AUH: variants seen among roughly 807,000 people sequenced by gnomAD.
AUH encodes AU RNA binding methylglutaconyl-CoA hydratase.
In AUH, 29 loss-of-function variants were observed where a neutral mutation model predicts 42.3. That is an observed-to-expected ratio of 0.69 (90% CI 0.51 to 0.93). The LOEUF (loss-of-function observed/expected upper bound fraction) is 0.93, where lower values mean the gene tolerates loss of function less well. Among genes scored for constraint, AUH ranks in the 40% least tolerant of loss-of-function variants. The pLI is 0.00. For missense variants in AUH, 452 were observed against 438.1 expected (o/e 1.03, Z -0.28); for synonymous variants, 174 against 166.4 (o/e 1.05, Z -0.35).
chr9:91,361,738 G>T lies in AUH; in HGVS notation c.152C>A (p.Ala51Asp). Residue 51 changes from alanine to aspartate, a missense_variant, in exon 1 of 10, where the codon GCC (alanine) becomes GAC (aspartate). Ala to Asp is a moderately radical substitution (Grantham distance 126, BLOSUM62 -2). Transcript: ENST00000375731. Reference sequence around the variant, plus strand: ...CCCGGCCGCAGGTACCCAGCCCTGGGCCCAGATCGCCGGGCCCGCTCGCCG... The same window carrying T: ...CCCGGCCGCAGGTACCCAGCCCTGGTCCCAGATCGCCGGGCCCGCTCGCCG... The part of the protein sequence containing the change: ...AGRRAGPAIW[A>D]QGWVPAAGGP... 6.5e-7 allele frequency: 1 copy of T among 1,546,602 alleles called. No homozygotes were observed.
chr9:91,338,864 A>C (rs923842624), intron 3 of AUH, among the ~76,000 whole-genome samples: 1 of 152,186 alleles, frequency 6.6e-6, no homozygotes, highest in South Asian at 2.1e-4. Context: ...TAACACCCTC[A>C]AGGGTGGGAA....
At chr9:91,318,849 G>A (rs1446130405) in intron 4 of AUH, among the ~76,000 whole-genome samples, 1 of 152,192 alleles carries the variant, frequency 6.6e-6, no homozygotes, top group East Asian at 1.9e-4. Flanking sequence ...GCAGTTTTGG[G>A]AAAGGATTCT....
intron 6 of AUH, among the ~76,000 whole-genome samples, chr9:91,237,205 CTG>C (rs1054863608): frequency 2.0e-5 from 3 of 152,254 alleles, no homozygotes; most frequent in African/African-American, 7.2e-5. Flanking sequence ...AATTTCAAAA[CTG>C]TTTACTTATC....
intron 6 of AUH, among the ~76,000 whole-genome samples, chr9:91,242,017 GA>G (rs1333805520): frequency 6.6e-6 from 1 of 152,194 alleles, no homozygotes; most frequent in African/African-American, 2.4e-5. Flanking sequence ...AAGGGGTCAG[GA>G]ATCCAGGAAG....
intron 3 of AUH, among the ~76,000 whole-genome samples, chr9:91,326,093 T>A (rs556317281): frequency 1.1e-4 from 17 of 152,270 alleles, no homozygotes; most frequent in African/African-American, 4.1e-4. Context: ...ACAAAGAAGA[T>A]CTTTAGCAAA....
At chr9:91,230,259 TTTC>T (rs1470840786) in intron 6 of AUH, among the ~76,000 whole-genome samples, 1 of 151,990 alleles carries the variant, frequency 6.6e-6, no homozygotes, top group East Asian at 1.9e-4. Flanking sequence ...CTCGTTTCTT[TTTC>T]TTTTTTCTCT....
chr9:91,323,487 G>A (rs142312200), intron 4 of AUH, among the ~76,000 whole-genome samples: 12 of 152,182 alleles, frequency 7.9e-5, no homozygotes, highest in Admixed American at 2.6e-4. Flanking sequence ...GCTGGGCATG[G>A]TCATACGTGC....
At chr9:91,292,084 G>C (rs1422436046) in intron 6 of AUH, among the ~76,000 whole-genome samples, 1 of 152,114 alleles carries the variant, frequency 6.6e-6, no homozygotes, top group Non-Finnish European at 1.5e-5. Flanking sequence ...GGTGATGCAA[G>C]ATTTCATTAT....
intron 6 of AUH, among the ~76,000 whole-genome samples, chr9:91,225,394 CTTAGAG>C (rs942335549): frequency 6.6e-6 from 1 of 152,152 alleles, no homozygotes; most frequent in Non-Finnish European, 1.5e-5. Flanking sequence ...CCAATATTAA[CTTAGAG>C]TTAGGGGTAA....
chr9:91,216,122 T>C lies in AUH; in HGVS notation c.895-16A>G, dbSNP rs1826806217. The C allele has an allele frequency of 2.5e-6, 4 of 1,610,544 alleles. No individual in the cohort carries two copies. Among genetic ancestry groups the C allele is most frequent in the East Asian group, 4.5e-5 (2 of 44,868 alleles). On this transcript the variant is annotated splice_polypyrimidine_tract_variant and intron_variant, in intron 8 of 9. Coordinates refer to ENST00000375731, the MANE Select transcript of AUH (RefSeq NM_001698.3). The stretch of plus-strand genomic sequence containing the variant: ...CTAAATCGACCTGAGAATAAAAACA[T>C]AATCCATTTCAGCAGAAATAACTTT...
chr9:91,231,451 G>T (rs2131291585), intron 6 of AUH, among the ~76,000 whole-genome samples: 1 of 152,280 alleles, frequency 6.6e-6, no homozygotes, highest in Admixed American at 6.5e-5. Flanking sequence ...TGCGCCCACT[G>T]TCTGGCACTC....
intron 4 of AUH, among the ~76,000 whole-genome samples, chr9:91,317,910 C>T (rs1001179842): frequency 6.6e-6 from 1 of 152,206 alleles, no homozygotes; most frequent in East Asian, 1.9e-4. Flanking sequence ...TGGCTAACAT[C>T]ATGAGTTAAA....
chr9:91,278,745 C>G (rs997117462), intron 6 of AUH, among the ~76,000 whole-genome samples: 9 of 152,128 alleles, frequency 5.9e-5, no homozygotes, highest in Non-Finnish European at 1.0e-4. Flanking sequence ...CTGGATTTAC[C>G]TTCCTACCTG....
intron 6 of AUH, among the ~76,000 whole-genome samples, chr9:91,233,629 G>A (rs1340729542): frequency 6.6e-6 from 1 of 152,156 alleles, no homozygotes; most frequent in African/African-American, 2.4e-5. Flanking sequence ...GTATATTCAG[G>A]GAGATAAAGG....
intron 3 of AUH, among the ~76,000 whole-genome samples, chr9:91,333,543 A>G (rs932186336): frequency 1.3e-5 from 2 of 152,238 alleles, no homozygotes; most frequent in African/African-American, 4.8e-5. Flanking sequence ...CATGCATCAC[A>G]ATGAGATAGA....
At position 91,360,702 on chromosome 9, in the gene AUH, G is replaced by A. The variant is rs574352560; in HGVS notation, c.262+926C>T. On this transcript the variant is annotated intron_variant, in intron 1 of 9. Transcript: ENST00000375731. The stretch of plus-strand genomic sequence containing the variant: ...TATTACAGCCCTTTCCTCTTACCAT[G>A]CCTTGAAAGTTCACACAGCCTACTA... 3.3e-5 allele frequency among the ~76,000 whole-genome samples: 5 copies of A among 152,242 alleles called. No homozygotes were observed. In the South Asian group the frequency reaches 1.0e-3, roughly 31 times the overall value.
intron 6 of AUH, among the ~76,000 whole-genome samples, chr9:91,249,384 G>T (rs981362068): frequency 6.7e-6 from 1 of 149,530 alleles, no homozygotes; most frequent in Non-Finnish European, 1.5e-5. Flanking sequence ...GGGAACACTG[G>T]ACCCACATGG....
chr9:91,320,165 T>C (rs1460226756), intron 4 of AUH, among the ~76,000 whole-genome samples: 2 of 152,230 alleles, frequency 1.3e-5, no homozygotes, highest in Non-Finnish European at 2.9e-5. Flanking sequence ...TTAGTATTCT[T>C]TTCCATTATA....
intron 3 of AUH, among the ~76,000 whole-genome samples, chr9:91,349,375 T>C (rs1040064380): frequency 6.6e-6 from 1 of 152,174 alleles, no homozygotes; most frequent in East Asian, 1.9e-4. Flanking sequence ...CTTAGGAAAT[T>C]TCAAAAGAAA....
Sources: gnomAD v4.1 joint callset for allele counts (sites outside exome capture counted in the v4.1 genomes callset) on GRCh38, gnomAD v4.1.1 for gene constraint, MANE v1.5 for transcripts, NCBI Gene and HGNC (gene_info 2026-07-23, HGNC 2026-07-21) for gene names.